Variants in PPARGC1A observed in about 807,000 individuals in gnomAD.
The protein encoded by PPARGC1A is peroxisome proliferator-activated receptor gamma coactivator 1-alpha.
Under a neutral mutation model 88.7 loss-of-function variants are expected in PPARGC1A, and 25 were observed. The observed-to-expected ratio is 0.28, with a 90% confidence interval of 0.21 to 0.39. PPARGC1A has a LOEUF of 0.39. Among genes scored for constraint, PPARGC1A ranks in the 10% least tolerant of loss-of-function variants. The pLI, the probability that PPARGC1A is intolerant of heterozygous loss-of-function variation, is 1.00. For missense variants in PPARGC1A, 880 were observed against 968.7 expected (o/e 0.91, Z 1.22); for synonymous variants, 363 against 355.6 (o/e 1.02, Z -0.24).
the PPARGC1A span, among the ~76,000 whole-genome samples, chr4:24,430,255 C>CTTTTTTTTTTTTTTTTTTTTTTTTT: frequency 9.0e-6 from 1 of 110,774 alleles, no homozygotes; most frequent in Non-Finnish European, 1.8e-5. Flanking sequence ...TTTTGTATTT[C>CTTTTTTTTTTTTTTTTTTTTTTTTT]TTTTTTTTTT....
At chr4:24,005,453 G>T in the PPARGC1A span, among the ~76,000 whole-genome samples, 1 of 152,078 alleles carries the variant, frequency 6.6e-6, no homozygotes, top group African/African-American at 2.4e-5. Context: ...TCCCAACCCC[G>T]TCCCCTTGAA....
At chr4:24,105,918 T>C in the PPARGC1A span, among the ~76,000 whole-genome samples, 2 of 152,200 alleles carry the variant, frequency 1.3e-5, no homozygotes, top group South Asian at 2.1e-4. Flanking sequence ...TTTAGAATTG[T>C]TGACGGCAAA....
chr4:24,033,390 T>C, the PPARGC1A span, among the ~76,000 whole-genome samples: 1 of 140,608 alleles, frequency 7.1e-6, no homozygotes, highest in African/African-American at 2.8e-5. Context: ...GATAAACAGA[T>C]ACATAGATGT....
Position 23,884,765 on chromosome 4 carries a change from G to A in PPARGC1A, c.221C>T (p.Ser74Leu), listed in dbSNP as rs142669571. The change falls in exon 2 of 13, where the codon TCA (serine) becomes TTA (leucine). Residue 74 changes from serine (S) to leucine (L), a missense_variant. Physicochemically the swap from Ser to Leu is moderately radical, Grantham distance 145. Coordinates refer to ENST00000264867, the MANE Select transcript of PPARGC1A (RefSeq NM_013261.5). Reference sequence around the variant, plus strand: ...GGATGTCCTTACCTCAAATATGTTTGAAGGCTCATTGTTGTACTGATTGGA... The same window carrying A: ...GGATGTCCTTACCTCAAATATGTTTAAAGGCTCATTGTTGTACTGATTGGA... ...IISNQYNNEP[S>L]NIFEKIDEEN... 1.5e-3 allele frequency: 2,354 copies of A among 1,609,930 alleles called. 5 individuals carry two copies. The highest frequency in any genetic ancestry group is 1.8e-3 in the Non-Finnish European group (2,145 of 1,177,950).
the PPARGC1A span, among the ~76,000 whole-genome samples, chr4:24,073,112 G>C: frequency 6.6e-6 from 1 of 152,166 alleles, no homozygotes; most frequent in Non-Finnish European, 1.5e-5. Flanking sequence ...CACGATCTCA[G>C]TTCACTGCAA....
At chr4:24,252,509 C>T in the PPARGC1A span, among the ~76,000 whole-genome samples, 12 of 152,348 alleles carry the variant, frequency 7.9e-5, no homozygotes, top group Admixed American at 2.6e-4. Context: ...TATTTCTCTT[C>T]TACTCACTAA....
chr4:24,460,996 T>C, the PPARGC1A span, among the ~76,000 whole-genome samples: 5 of 152,324 alleles, frequency 3.3e-5, no homozygotes, highest in East Asian at 5.8e-4. Context: ...TAATCCTAGC[T>C]CACTGCAGCC....
the PPARGC1A span, among the ~76,000 whole-genome samples, chr4:24,157,041 G>C: frequency 1.3e-5 from 2 of 152,140 alleles, no homozygotes; most frequent in African/African-American, 4.8e-5. Flanking sequence ...ATACCACATA[G>C]AGGCTGTATA....
At chr4:24,281,328 GCATCTA>G in the PPARGC1A span, among the ~76,000 whole-genome samples, 6 of 152,212 alleles carry the variant, frequency 3.9e-5, no homozygotes, top group African/African-American at 1.2e-4. Context: ...CATGGCATCA[GCATCTA>G]CATCTGGTGA....
At chr4:24,353,958 T>C in the PPARGC1A span, among the ~76,000 whole-genome samples, 26,634 of 152,152 alleles carry the variant, frequency 0.18, 2,478 homozygotes, top group Non-Finnish European at 0.2. Flanking sequence ...ATCACAAATT[T>C]TGTGGCCTTA....
At chr4:23,927,543 C>T in the PPARGC1A span, among the ~76,000 whole-genome samples, 1 of 152,114 alleles carries the variant, frequency 6.6e-6, no homozygotes, top group Non-Finnish European at 1.5e-5. Context: ...TTGAGTTTTA[C>T]AAAATTTTCT....
chr4:24,298,671 T>C, the PPARGC1A span, among the ~76,000 whole-genome samples: 1 of 152,124 alleles, frequency 6.6e-6, no homozygotes, highest in African/African-American at 2.4e-5. Context: ...ACTGAACACA[T>C]AGAAAAAGAC....
chr4:23,828,544 G>A lies in PPARGC1A; in HGVS notation c.613C>T (p.Arg205Cys). ...TATTTGAGAAGCTCCGAGCAGGGAC[G>A]TCTTTGTGGCTTTTGCTGTTGACAA... ...SICQQQKPQRRPCSELLKYLT... is the reference protein window; with the variant it reads ...SICQQQKPQRCPCSELLKYLT... Residue 205 changes from arginine (R) to cysteine (C), a missense_variant, in exon 5 of 13, where the codon CGT becomes TGT. Arg to Cys is a radical substitution (Grantham distance 180). Transcript: ENST00000264867. 6.2e-7 allele frequency: 1 copy of A among 1,614,084 alleles called. No homozygotes were observed. Among genetic ancestry groups the A allele is most frequent in the East Asian group, 2.2e-5 (1 of 44,876 alleles).
the PPARGC1A span, among the ~76,000 whole-genome samples, chr4:24,207,518 G>A: frequency 3.3e-5 from 5 of 152,310 alleles, no homozygotes; most frequent in East Asian, 9.6e-4. Flanking sequence ...GTCATTTGCT[G>A]AAAAGAAACT....
At chr4:23,909,686 C>T in the PPARGC1A span, among the ~76,000 whole-genome samples, 16 of 151,788 alleles carry the variant, frequency 1.1e-4, no homozygotes, top group African/African-American at 3.9e-4. Context: ...TGTGACACTT[C>T]CTAACTCTTT....
the PPARGC1A span, among the ~76,000 whole-genome samples, chr4:24,031,397 A>C: frequency 6.6e-6 from 1 of 152,150 alleles, no homozygotes; most frequent in Non-Finnish European, 1.5e-5. Flanking sequence ...CCTGTCACCA[A>C]GCGATAGAGA....
chr4:24,386,134 A>G, the PPARGC1A span, among the ~76,000 whole-genome samples: 1 of 152,008 alleles, frequency 6.6e-6, no homozygotes, highest in Non-Finnish European at 1.5e-5. Context: ...AGAACCAATG[A>G]AAAAACCACA....
the PPARGC1A span, among the ~76,000 whole-genome samples, chr4:24,184,398 A>G: frequency 6.6e-6 from 1 of 152,190 alleles, no homozygotes; most frequent in Non-Finnish European, 1.5e-5. Context: ...CTCTGAAACT[A>G]ATATTGAAGA....
At chr4:24,336,482 A>G in the PPARGC1A span, among the ~76,000 whole-genome samples, 2 of 152,220 alleles carry the variant, frequency 1.3e-5, no homozygotes, top group Non-Finnish European at 2.9e-5. Flanking sequence ...GTAATCACCC[A>G]TTCTTACTGT....
Sources: gnomAD v4.1 joint callset for allele counts (sites outside exome capture counted in the v4.1 genomes callset) on GRCh38, gnomAD v4.1.1 for gene constraint, MANE v1.5 for transcripts, NCBI Gene and HGNC (gene_info 2026-07-23, HGNC 2026-07-21) for gene names.